KHDRBS3: variants seen among roughly 807,000 people sequenced by gnomAD.
KHDRBS3 encodes KH RNA binding domain containing, signal transduction associated 3, also known as KH domain-containing, RNA-binding, signal transduction-associated protein 3.
A neutral mutation model predicts 45.6 loss-of-function variants in KHDRBS3; 23 were observed. The ratio of observed to expected loss-of-function variants is 0.50; its 90% CI spans 0.36 to 0.72. KHDRBS3 has a LOEUF of 0.72. Ranked by LOEUF, KHDRBS3 falls within the 30% of genes least tolerant of loss-of-function variation. KHDRBS3 has a pLI of 0.00. For synonymous variants in KHDRBS3, 162 were observed against 156.5 expected, an observed-to-expected ratio of 1.04 and a Z score of -0.26; for missense variants, 352 against 424.8, an observed-to-expected ratio of 0.83 and a Z score of 1.51.
chr8:135,641,389 A>G (rs1831051697), intron 7 of KHDRBS3, among the ~76,000 whole-genome samples: 1 of 152,210 alleles, frequency 6.6e-6, no homozygotes, highest in Admixed American at 6.5e-5. Context: ...TTTCAGTTTT[A>G]TGGTGAGGTT....
chr8:135,496,343 C>T (rs1823447345), intron 1 of KHDRBS3, among the ~76,000 whole-genome samples: 2 of 151,780 alleles, frequency 1.3e-5, no homozygotes, highest in African/African-American at 4.8e-5. Context: ...AGCAATTCTT[C>T]TGCCTCGACC....
chr8:135,620,167 G>A lies in KHDRBS3; in HGVS notation c.890+13130G>A, dbSNP rs190159158. 4.2e-4 allele frequency among the ~76,000 whole-genome samples: 63 copies of A among 151,394 alleles called. No homozygotes were observed. The East Asian group carries it at 0.011, about 27-fold the overall frequency. On this transcript the variant is annotated intron_variant, in intron 7 of 8. Coordinates refer to ENST00000355849, the MANE Select transcript of KHDRBS3 (RefSeq NM_006558.3). Reference sequence around the variant, plus strand: ...TGCTCACTGCAACCTCCGCCTCCTTGGCTGAAGCGATTCTCCATCCTCAGC... The same window carrying A: ...TGCTCACTGCAACCTCCGCCTCCTTAGCTGAAGCGATTCTCCATCCTCAGC...
At chr8:135,485,524 C>A (rs1196506760) in intron 1 of KHDRBS3, among the ~76,000 whole-genome samples, 1 of 152,018 alleles carries the variant, frequency 6.6e-6, no homozygotes, top group Non-Finnish European at 1.5e-5. Flanking sequence ...GGCCAGTTTT[C>A]CTGGATATTC....
intron 2 of KHDRBS3, among the ~76,000 whole-genome samples, chr8:135,523,979 G>A (rs1825047601): frequency 6.6e-6 from 1 of 151,964 alleles, no homozygotes; most frequent in Non-Finnish European, 1.5e-5. Flanking sequence ...TATAGTGCTG[G>A]ATTCGGTTGC....
chr8:135,529,730 T>C (rs1256621925), intron 2 of KHDRBS3, among the ~76,000 whole-genome samples: 1 of 152,182 alleles, frequency 6.6e-6, no homozygotes, highest in East Asian at 1.9e-4. Context: ...AACAGTCTAT[T>C]ACATGTATGT....
At chr8:135,558,277 A>G (rs1038117965) in intron 5 of KHDRBS3, among the ~76,000 whole-genome samples, 28 of 151,996 alleles carry the variant, frequency 1.8e-4, no homozygotes, top group African/African-American at 6.8e-4. Context: ...GTTAATGGGA[A>G]AATGTTTTGA....
At chr8:135,626,688 C>T (rs1453132130) in intron 7 of KHDRBS3, among the ~76,000 whole-genome samples, 2 of 151,846 alleles carry the variant, frequency 1.3e-5, no homozygotes, top group East Asian at 3.9e-4. Context: ...CCTGTAGTCC[C>T]AGCTACTTGG....
At chr8:135,655,186 G>T (rs1831506805) in intron 4 of KHDRBS3, among the ~76,000 whole-genome samples, 2 of 152,166 alleles carry the variant, frequency 1.3e-5, no homozygotes, top group Non-Finnish European at 2.9e-5. Flanking sequence ...CTTTTTAGAG[G>T]ATTCACCTTT....
At chr8:135,520,161 A>C (rs752523611) in intron 1 of KHDRBS3, among the ~76,000 whole-genome samples, 39 of 152,226 alleles carry the variant, frequency 2.6e-4, no homozygotes, top group Non-Finnish European at 1.5e-5. Context: ...GATGGCACAT[A>C]TTAAATTCTT....
At chr8:135,540,106 T>A (rs1825971223) in intron 2 of KHDRBS3, 1 of 152,188 alleles carries the variant, frequency 6.6e-6, no homozygotes, top group Admixed American at 6.5e-5. Flanking sequence ...TTATTTTTGC[T>A]CCATTTTTGA....
rs574289064 is a variant in KHDRBS3, at chr8:135,628,896, C to T, written c.891-16163C>T. Among the ~76,000 whole-genome samples, 3 of 152,312 alleles carry T rather than the reference C, an allele frequency of 2.0e-5. No homozygotes were observed. In the East Asian group the frequency reaches 5.8e-4, roughly 29 times the overall value. Reference sequence around the variant, plus strand: ...GCAAGAACTTTCTGGCAGACCTGTTCGAGGGTATTACTGTGACAGGTTATT... The same window carrying T: ...GCAAGAACTTTCTGGCAGACCTGTTTGAGGGTATTACTGTGACAGGTTATT... On this transcript the variant is annotated intron_variant, in intron 7 of 8. Transcript: ENST00000355849.
At chr8:135,510,529 C>T (rs762617137) in intron 1 of KHDRBS3, among the ~76,000 whole-genome samples, 1 of 151,930 alleles carries the variant, frequency 6.6e-6, no homozygotes, top group African/African-American at 2.4e-5. Context: ...CCACCTCCTG[C>T]GTTCAAGTGA....
In KHDRBS3 at chr8:135,647,129, G is replaced by A; in HGVS notation, c.*45G>A. 1 of 958,552 alleles carries A rather than the reference G, an allele frequency of 1.0e-6. No individual in the cohort carries two copies. The highest frequency in any genetic ancestry group is 1.4e-5 in the South Asian group (1 of 69,510). The allele number at this position is 958,552 out of a possible 1,614,324, so 59.4% of individuals were successfully genotyped here. A position where few individuals can be genotyped will look rare whatever the true frequency, so the allele number is the denominator to read the frequency against. On this transcript the variant is annotated 3_prime_UTR_variant, in exon 9 of 9. Coordinates refer to ENST00000355849, the MANE Select transcript of KHDRBS3 (RefSeq NM_006558.3). ...GAAATAGCCAATCTCCACCAGTCCTGTATACTGTTCAAAGTAATTTTTTTC... is the reference window on the plus strand; with the variant it reads ...GAAATAGCCAATCTCCACCAGTCCTATATACTGTTCAAAGTAATTTTTTTC...
intron 7 of KHDRBS3, among the ~76,000 whole-genome samples, chr8:135,622,024 TC>T (rs1050619636): frequency 1.3e-5 from 2 of 152,080 alleles, no homozygotes; most frequent in African/African-American, 4.8e-5. Flanking sequence ...TCCACTCCAC[TC>T]CTGAGCTATC....
intron 1 of KHDRBS3, among the ~76,000 whole-genome samples, chr8:135,491,688 A>G (rs902383215): frequency 6.6e-6 from 1 of 152,212 alleles, no homozygotes; most frequent in Non-Finnish European, 1.5e-5. Context: ...TCAGTGTGTC[A>G]TTCAGGAAGC....
chr8:135,638,766 G>A (rs1056071494), intron 7 of KHDRBS3, among the ~76,000 whole-genome samples: 3 of 152,116 alleles, frequency 2.0e-5, no homozygotes, highest in African/African-American at 7.2e-5. Context: ...TGGCCAACAT[G>A]GTGAAACCCT....
chr8:135,627,994 G>C (rs1321943285), intron 7 of KHDRBS3, among the ~76,000 whole-genome samples: 1 of 152,170 alleles, frequency 6.6e-6, no homozygotes, highest in Admixed American at 6.5e-5. Context: ...CTTAGACAAT[G>C]TCTAAACTTT....
intron 1 of KHDRBS3, among the ~76,000 whole-genome samples, chr8:135,487,300 G>A (rs558898942): frequency 6.6e-6 from 1 of 152,252 alleles, no homozygotes; most frequent in African/African-American, 2.4e-5. Flanking sequence ...TAGCTTAGAG[G>A]TGCTGCTGGT....
At chr8:135,641,376 C>A (rs1831051060) in intron 7 of KHDRBS3, among the ~76,000 whole-genome samples, 1 of 152,136 alleles carries the variant, frequency 6.6e-6, no homozygotes, top group Admixed American at 6.5e-5. Flanking sequence ...TCAAGGAAAT[C>A]CCTTTCAGTT....
Sources: allele counts gnomAD v4.1 joint callset (sites outside exome capture counted in the v4.1 genomes callset), GRCh38; gene constraint gnomAD v4.1.1; transcripts MANE v1.5; gene names NCBI Gene and HGNC (gene_info 2026-07-23, HGNC 2026-07-21).